The following STXBP5L variants were observed in gnomAD, a reference collection of about 807,000 sequenced individuals.
The protein encoded by STXBP5L is syntaxin binding protein 5L, also known as syntaxin-binding protein 5-like.
A neutral mutation model predicts 144.5 loss-of-function variants in STXBP5L; 65 were observed. The observed-to-expected ratio is 0.45, with a 90% confidence interval of 0.37 to 0.55. The LOEUF (loss-of-function observed/expected upper bound fraction) is 0.55, where lower values mean the gene tolerates loss of function less well. Among genes scored for constraint, STXBP5L ranks in the 20% least tolerant of loss-of-function variants. STXBP5L has a pLI of 0.00. For synonymous variants in STXBP5L, 505 were observed against 469.6 expected (o/e 1.08, Z -0.97); for missense variants, 1,298 against 1,405.5 (o/e 0.92, Z 1.22).
At chr3:121,050,693 C>T (rs2107587511) in intron 5 of STXBP5L, among the ~76,000 whole-genome samples, 1 of 152,238 alleles carries the variant, frequency 6.6e-6, no homozygotes, top group South Asian at 2.1e-4. Context: ...GCAAAATAAC[C>T]AGCTAACATC....
intron 7 of STXBP5L, among the ~76,000 whole-genome samples, chr3:121,142,921 C>G (rs1203124780): frequency 2.0e-5 from 3 of 151,546 alleles, no homozygotes; most frequent in Non-Finnish European, 4.4e-5. Flanking sequence ...AAAAAATCAA[C>G]AAAACTGAGA....
At chr3:121,052,065 G>A (rs1055350563) in intron 5 of STXBP5L, among the ~76,000 whole-genome samples, 1 of 152,120 alleles carries the variant, frequency 6.6e-6, no homozygotes, top group South Asian at 2.1e-4. Context: ...CCAATAAGAG[G>A]TTCTGAAATT....
chr3:121,099,222 A>T (rs1163198308), intron 5 of STXBP5L: 1 of 152,224 alleles, frequency 6.6e-6, no homozygotes, highest in Non-Finnish European at 1.5e-5. Context: ...CCAAATTGGT[A>T]TCAGGGTTCA....
At chr3:121,100,847 C>A (rs2043384295) in intron 5 of STXBP5L, among the ~76,000 whole-genome samples, 1 of 150,136 alleles carries the variant, frequency 6.7e-6, no homozygotes. Flanking sequence ...AGAACACTAG[C>A]TAGATTAACA....
chr3:121,390,949 G>T (rs1053268354), intron 22 of STXBP5L, among the ~76,000 whole-genome samples: 1 of 152,148 alleles, frequency 6.6e-6, no homozygotes, highest in Non-Finnish European at 1.5e-5. Context: ...AGTTGGGGAA[G>T]TTCTCCTGGA....
intron 9 of STXBP5L, among the ~76,000 whole-genome samples, chr3:121,188,249 C>T (rs2108145103): frequency 6.6e-6 from 1 of 152,316 alleles, no homozygotes. Context: ...CTCAGCACCG[C>T]ATCACACTTA....
intron 20 of STXBP5L, among the ~76,000 whole-genome samples, chr3:121,340,075 A>G (rs1352112591): frequency 6.6e-6 from 1 of 152,122 alleles, no homozygotes; most frequent in East Asian, 1.9e-4. Flanking sequence ...TATGGAACCA[A>G]AAAAGAGCCC....
chr3:121,003,869 A>G (rs893873887), intron 3 of STXBP5L, among the ~76,000 whole-genome samples: 1 of 152,000 alleles, frequency 6.6e-6, no homozygotes, highest in African/African-American at 2.4e-5. Flanking sequence ...TTGAAGATAT[A>G]TGGCATTATT....
intron 5 of STXBP5L, among the ~76,000 whole-genome samples, chr3:121,086,126 T>G (rs1019126407): frequency 6.6e-6 from 1 of 152,180 alleles, no homozygotes. Flanking sequence ...AAATTAAAAC[T>G]GGACCCCTTC....
intron 20 of STXBP5L, among the ~76,000 whole-genome samples, chr3:121,349,681 T>C (rs1401535259): frequency 6.6e-6 from 1 of 152,156 alleles, no homozygotes; most frequent in Non-Finnish European, 1.5e-5. Context: ...TTAGCTCTTC[T>C]TGTTGAATTG....
intron 3 of STXBP5L, among the ~76,000 whole-genome samples, chr3:120,997,027 A>G (rs1943403780): frequency 6.6e-6 from 1 of 152,088 alleles, no homozygotes; most frequent in East Asian, 1.9e-4. Flanking sequence ...GCTCCCACTT[A>G]TGTAAGTGAG....
intron 2 of STXBP5L, among the ~76,000 whole-genome samples, chr3:120,915,495 T>G (rs1000294275): frequency 2.0e-5 from 3 of 152,162 alleles, no homozygotes; most frequent in Admixed American, 2.0e-4. Context: ...TTTGTTTTTC[T>G]CATAAGAGAA....
rs955590614 is a variant in STXBP5L, at chr3:121,153,180, A to G, written c.753+620A>G. 2.6e-5 allele frequency among the ~76,000 whole-genome samples: 4 copies of G among 151,876 alleles called. No individual in the cohort carries two copies. The East Asian group carries it at 7.7e-4, about 29-fold the overall frequency. ...AGTTTGTATTTAGGGGAAGCAACAA[A>G]CTCCTATTCATCAAGGAATAATCTC... On this transcript the variant is annotated intron_variant, in intron 8 of 26. Coordinates refer to ENST00000471454, the MANE Select transcript of STXBP5L (RefSeq NM_001308330.2).
At chr3:121,336,522 A>C (rs7626994) in intron 20 of STXBP5L, among the ~76,000 whole-genome samples, 5,898 of 151,868 alleles carry the variant, frequency 0.039, 151 homozygotes, top group Non-Finnish European at 0.054. Context: ...AACCAACCAA[A>C]CAAACAAACA....
intron 5 of STXBP5L, among the ~76,000 whole-genome samples, chr3:121,069,999 GATT>G (rs1313010009): frequency 2.0e-5 from 3 of 152,092 alleles, no homozygotes; most frequent in Non-Finnish European, 2.9e-5. Flanking sequence ...GTTGTGTCAT[GATT>G]ATTATTCATT....
At chr3:121,313,207 G>A (rs1372014997) in intron 19 of STXBP5L, among the ~76,000 whole-genome samples, 3 of 140,816 alleles carry the variant, frequency 2.1e-5, no homozygotes, top group Admixed American at 7.1e-5. Context: ...CGGCCGGCCG[G>A]AAGGGGGGCT....
chr3:121,359,120 T>C (rs1206344917), intron 20 of STXBP5L, among the ~76,000 whole-genome samples: 3 of 152,162 alleles, frequency 2.0e-5, no homozygotes. Flanking sequence ...CAGCATTTGT[T>C]ATTGCCTGTC....
intron 9 of STXBP5L, among the ~76,000 whole-genome samples, chr3:121,199,922 AG>A (rs2048072719): frequency 6.6e-6 from 1 of 152,162 alleles, no homozygotes. Context: ...GATGTTCATC[AG>A]GGATATTGGC....
intron 10 of STXBP5L, among the ~76,000 whole-genome samples, chr3:121,221,268 G>A (rs910452364): frequency 4.6e-5 from 7 of 151,780 alleles, no homozygotes; most frequent in African/African-American, 1.2e-4. Context: ...ATGCAGAGTC[G>A]TAATTAGAGC....
Sources: gnomAD v4.1 joint callset for allele counts (sites outside exome capture counted in the v4.1 genomes callset) on GRCh38, gnomAD v4.1.1 for gene constraint, MANE v1.5 for transcripts, NCBI Gene and HGNC (gene_info 2026-07-23, HGNC 2026-07-21) for gene names.